CLCN5: variants seen among roughly 807,000 people sequenced by gnomAD.
CLCN5 encodes Cl-/H+ antiporter 5.
CLCN5 carries 17 observed loss-of-function variants against 54.0 expected under a neutral mutation model. The ratio of observed to expected loss-of-function variants is 0.31; its 90% confidence interval spans 0.22 to 0.47. CLCN5 has a LOEUF of 0.47. Ranked by LOEUF, CLCN5 falls within the 20% of genes least tolerant of loss-of-function variation. The pLI, the probability that CLCN5 is intolerant of heterozygous loss-of-function variation, is 1.00. For synonymous variants in CLCN5, 222 were observed against 233.0 expected (o/e 0.95, Z 0.43); for missense variants, 448 against 646.7 (o/e 0.69, Z 3.33).
In CLCN5 at chrX:49,990,689, C is replaced by T. The variant is rs191570939; in HGVS notation, c.17-51627C>T. 1.8e-4 allele frequency among the ~76,000 whole-genome samples: 20 copies of T among 111,986 alleles called. No individual in the cohort carries two copies. In the South Asian group the frequency reaches 4.8e-3, roughly 27 times the overall value. ...CTTACCTTAAGTGTTCTGCCTGCCT[C>T]GGCCTCTCAAAATGCTGGGATTACA... On this transcript the variant is annotated intron_variant, in intron 3 of 14. Transcript: ENST00000376091.
chrX:49,932,939 TG>T lies in CLCN5; in HGVS notation c.16+7628del, dbSNP rs782565663. Among the ~76,000 whole-genome samples the T allele has an allele frequency of 2.0e-4, 22 of 112,125 alleles. No individual in the cohort carries two copies. In the East Asian group the frequency reaches 5.3e-3, roughly 27 times the overall value. ...ACACTCTGGTGATTTAGCCAACACATGGGAGGTGGGGAGCAAGAGGGAGCCT... is the reference window on the plus strand; with the variant it reads ...ACACTCTGGTGATTTAGCCAACACATGGAGGTGGGGAGCAAGAGGGAGCCT... On this transcript the variant is annotated intron_variant, in intron 3 of 14. Coordinates refer to ENST00000376091, the MANE Select transcript of CLCN5 (RefSeq NM_001127898.4).
chrX:50,083,944 TAATAA>T (rs1417740927), intron 9 of CLCN5, among the ~76,000 whole-genome samples: 1 of 112,245 alleles, frequency 8.9e-6, no homozygotes, highest in Non-Finnish European at 1.9e-5. Context: ...AAATAGTTTC[TAATAA>T]AATAAGAGGG....
chrX:49,948,577 A>G (rs1419433701), intron 3 of CLCN5, among the ~76,000 whole-genome samples: 1 of 111,780 alleles, frequency 8.9e-6, no homozygotes, highest in Non-Finnish European at 1.9e-5. Context: ...ATAACCTCTC[A>G]TTAGTACTCC....
chrX:50,062,086 G>T (rs1557190034), intron 4 of CLCN5, among the ~76,000 whole-genome samples: 5 of 107,737 alleles, frequency 4.6e-5, no homozygotes, highest in Non-Finnish European at 1.9e-5. Flanking sequence ...AGACTAGGAA[G>T]AAAGTGCATC....
At chrX:50,015,215 C>T (rs1557183336) in intron 3 of CLCN5, among the ~76,000 whole-genome samples, 1 of 110,722 alleles carries the variant, frequency 9.0e-6, no homozygotes, top group East Asian at 2.8e-4. Context: ...AAAATTCAGA[C>T]GGGCACAAAT....
chrX:50,079,685 T>C (rs1318687856), intron 7 of CLCN5, among the ~76,000 whole-genome samples: 2 of 111,317 alleles, frequency 1.8e-5, no homozygotes, highest in East Asian at 5.6e-4. Context: ...TGTTCCTGAG[T>C]CTGTGGTACC....
chrX:50,073,661 G>T (rs1933305852), intron 6 of CLCN5, among the ~76,000 whole-genome samples: 1 of 111,821 alleles, frequency 8.9e-6, no homozygotes, highest in Non-Finnish European at 1.9e-5. Context: ...AGCAAATGAA[G>T]AATGGCTTAT....
intron 3 of CLCN5, among the ~76,000 whole-genome samples, chrX:49,969,967 T>C (rs1195690418): frequency 9.0e-6 from 1 of 111,616 alleles, no homozygotes; most frequent in Non-Finnish European, 1.9e-5. Flanking sequence ...CTATGTACTT[T>C]TGATGAATTG....
At chrX:49,977,937 G>A (rs998557093) in intron 3 of CLCN5, among the ~76,000 whole-genome samples, 3 of 111,812 alleles carry the variant, frequency 2.7e-5, no homozygotes, top group Non-Finnish European at 5.6e-5. Flanking sequence ...GAGACAGGGC[G>A]CAAAAGGGTC....
At chrX:49,925,413 G>A (rs1486953768) in intron 3 of CLCN5, 99 bp downstream of exon 3, 11 of 839,691 alleles carry the variant, frequency 1.3e-5, no homozygotes, top group Middle Eastern at 8.1e-4. Context: ...CAGGCAGCCA[G>A]CTGTTCTTTA....
intron 12 of CLCN5, 40 bp downstream of exon 12, chrX:50,088,924 T>C: frequency 8.9e-7 from 1 of 1,126,331 alleles, no homozygotes; most frequent in Non-Finnish European, 1.2e-6. Flanking sequence ...GCTACCCAGG[T>C]GACATACAAC....
At chrX:50,004,583 T>TA (rs201148906) in intron 3 of CLCN5, among the ~76,000 whole-genome samples, 505 of 108,418 alleles carry the variant, frequency 4.7e-3, no homozygotes, top group African/African-American at 8.8e-3. Context: ...AGGCCGCTTT[T>TA]AAAAAAAAAA....
In CLCN5 at chrX:50,074,251, TG is replaced by T. The variant is rs781976997; in HGVS notation, c.416-1542del. The stretch of plus-strand genomic sequence containing the variant: ...GGGAAGGCAACCACTGTAGAAGTTT[TG>T]GTAGTCATAGGAGAGAGAGGAAGGG... On this transcript the variant is annotated intron_variant, in intron 6 of 14. Transcript: ENST00000376091. Among the ~76,000 whole-genome samples the T allele has an allele frequency of 6.2e-5, 7 of 112,024 alleles. No homozygotes were observed. In the East Asian group the frequency reaches 2.0e-3, roughly 31 times the overall value.
intron 3 of CLCN5, among the ~76,000 whole-genome samples, chrX:49,948,336 A>G (rs912252995): frequency 4.5e-5 from 5 of 111,208 alleles, no homozygotes; most frequent in African/African-American, 1.3e-4. Context: ...TCCCAGATCT[A>G]TAAAGGTAGC....
chrX:50,072,656 G>A, intron 6 of CLCN5, 68 bp downstream of exon 6: 1 of 802,418 alleles, frequency 1.2e-6, no homozygotes, highest in Non-Finnish European at 1.9e-6. Context: ...CGTAAGTCCT[G>A]AGCTGAGTCA....
At chrX:50,067,077 G>T (rs1243707649) in intron 4 of CLCN5, among the ~76,000 whole-genome samples, 1 of 111,114 alleles carries the variant, frequency 9.0e-6, no homozygotes, top group Admixed American at 9.6e-5. Context: ...GGTAGCTTCT[G>T]TCTTTACTTT....
intron 3 of CLCN5, among the ~76,000 whole-genome samples, chrX:50,030,912 A>G (rs1557185788): frequency 8.9e-6 from 1 of 111,755 alleles, no homozygotes; most frequent in Non-Finnish European, 1.9e-5. Flanking sequence ...TTAAAGTTTT[A>G]TTTAGGAGTT....
intron 3 of CLCN5, among the ~76,000 whole-genome samples, chrX:49,936,729 C>T (rs1240974474): frequency 3.6e-5 from 4 of 112,235 alleles, no homozygotes; most frequent in African/African-American, 1.3e-4. Flanking sequence ...CTTTGAAAGA[C>T]TTTTTCAAAA....
intron 4 of CLCN5, among the ~76,000 whole-genome samples, chrX:50,064,818 G>T (rs1932939590): frequency 9.9e-6 from 1 of 101,395 alleles, no homozygotes; most frequent in African/African-American, 3.9e-5. Flanking sequence ...CAGAGATATA[G>T]ATCAATGGAA....
Sources: gnomAD v4.1 joint callset for allele counts (sites outside exome capture counted in the v4.1 genomes callset) on GRCh38, gnomAD v4.1.1 for gene constraint, MANE v1.5 for transcripts, NCBI Gene and HGNC (gene_info 2026-07-23, HGNC 2026-07-21) for gene names.